ABCA10: variants seen among roughly 807,000 people sequenced by gnomAD.
ABCA10 encodes the protein ATP-binding cassette sub-family A member 10.
Under a neutral mutation model 187.5 loss-of-function variants are expected in ABCA10, and 169 were observed. The ratio of observed to expected loss-of-function variants is 0.90; its 90% CI spans 0.80 to 1.02. The LOEUF is 1.02. Among genes scored for constraint, ABCA10 ranks in the 50% least tolerant of loss-of-function variants. The probability of loss-of-function intolerance (pLI) is 0.00; values close to 1 mark genes in which losing one functional copy is unlikely to be tolerated. For synonymous variants in ABCA10, 574 were observed against 601.8 expected (o/e 0.95, Z 0.68); for missense variants, 1,727 against 1,812.4 (o/e 0.95, Z 0.86).
intron 20 of ABCA10, among the ~76,000 whole-genome samples, chr17:69,184,307 C>G (rs930298913): frequency 3.9e-5 from 6 of 152,088 alleles, no homozygotes; most frequent in African/African-American, 1.4e-4. Context: ...CCTGACCCAC[C>G]ACCTGAGAAA....
At chr17:69,155,756 G>A (rs1362793771) in intron 29 of ABCA10, 49 bp downstream of exon 29, 2 of 1,583,506 alleles carry the variant, frequency 1.3e-6, no homozygotes, top group Non-Finnish European at 1.7e-6. Context: ...CAATTCTAGA[G>A]GACAAACTAT....
chr17:69,177,995 A>ATATATATATATATATGT (rs1555659760), intron 22 of ABCA10, among the ~76,000 whole-genome samples: 4 of 113,162 alleles, frequency 3.5e-5, no homozygotes, highest in Middle Eastern at 4.8e-3. Context: ...TATATATGTT[A>ATATATATATATATATGT]TATATATATA....
intron 3 of ABCA10, chr17:69,223,726 T>C (rs1381966414): frequency 4.8e-6 from 2 of 414,814 alleles, no homozygotes; most frequent in Non-Finnish European, 9.4e-6. Flanking sequence ...GTATAAAAAA[T>C]ACTGTCAAGG....
intron 2 of ABCA10, among the ~76,000 whole-genome samples, chr17:69,226,811 C>T (rs1208980489): frequency 6.6e-6 from 1 of 151,728 alleles, no homozygotes; most frequent in Non-Finnish European, 1.5e-5. Flanking sequence ...GTCCCTGCCC[C>T]CAACACAGAA....
Position 69,175,409 on chromosome 17 carries a change from A to C in ABCA10, c.2874T>G (p.Tyr958Ter). ...PFIGMSSISD[Y>*]KKNVQSQLWI... Reference sequence around the variant, plus strand: ...ATTTCCTCTCTCTCCCTCTTACTTTATAATCGCTGATGCTGCTCATGCCGA... The same window carrying C: ...ATTTCCTCTCTCTCCCTCTTACTTTCTAATCGCTGATGCTGCTCATGCCGA... Residue 958 changes from tyrosine (Y) to a stop codon, truncating the protein, a stop_gained, in exon 23 of 39, where the codon TAT becomes TAG. Transcript: ENST00000690296. LOFTEE classifies it high-confidence loss of function. The C allele has an allele frequency of 6.2e-7, 1 of 1,606,746 alleles. No homozygotes were observed. The highest frequency in any genetic ancestry group is 8.5e-7 in the Non-Finnish European group (1 of 1,176,690).
Position 69,185,659 on chromosome 17 carries a change from TTA to T in ABCA10, c.2331-18_2331-17del. On this transcript the variant is annotated splice_polypyrimidine_tract_variant and intron_variant, in intron 19 of 38. Transcript: ENST00000690296. Reference sequence around the variant, plus strand: ...TACTAGTAACCTAAGTAAAACAAAATTATAACATGAGTCTGAAGCAATTTTCC... The same window carrying T: ...TACTAGTAACCTAAGTAAAACAAAATTAACATGAGTCTGAAGCAATTTTCC... 2 of 1,566,894 alleles carry T rather than the reference TTA, an allele frequency of 1.3e-6. No homozygotes were observed. Among genetic ancestry groups the T allele is most frequent in the South Asian group, 2.3e-5 (2 of 85,576 alleles).
Position 69,153,840 on chromosome 17 carries a change from C to T in ABCA10, c.3956G>A (p.Ser1319Asn), listed in dbSNP as rs11657280. The change falls in exon 32 of 39, where the codon AGT becomes AAT. Residue 1319 changes from serine to asparagine, a missense_variant. Physicochemically the swap from Ser to Asn is conservative, Grantham distance 46. Transcript: ENST00000690296. Reference sequence around the variant, plus strand: ...AGACTTCTCTCTGTACCGTGAAATACTGAGAGCAGCATCTTCTTTGCCCAG... The same window carrying T: ...AGACTTCTCTCTGTACCGTGAAATATTGAGAGCAGCATCTTCTTTGCCCAG... ...KGLGKEDAAL[S>N]ISRLVEALKL... The T allele has an allele frequency of 1.9e-6, 3 of 1,612,944 alleles. No individual in the cohort carries two copies. Among genetic ancestry groups the T allele is most frequent in the Non-Finnish European group, 2.5e-6 (3 of 1,179,580 alleles).
intron 25 of ABCA10, among the ~76,000 whole-genome samples, chr17:69,173,183 A>ATCATG (rs2074310120): frequency 6.6e-6 from 1 of 152,208 alleles, no homozygotes; most frequent in Non-Finnish European, 1.5e-5. Context: ...AGAAGACATT[A>ATCATG]CCCTTGGTTA....
intron 6 of ABCA10, among the ~76,000 whole-genome samples, chr17:69,219,163 C>A (rs931758817): frequency 1.3e-5 from 2 of 152,124 alleles, no homozygotes; most frequent in Non-Finnish European, 2.9e-5. Flanking sequence ...GGAAGTGAGT[C>A]ACAGGAAGAA....
chr17:69,156,164 A>G (rs1029072408), intron 28 of ABCA10, among the ~76,000 whole-genome samples: 7 of 152,114 alleles, frequency 4.6e-5, no homozygotes, highest in Non-Finnish European at 1.5e-5. Context: ...TGGCTCTGTC[A>G]CTTCGTTCTT....
intron 34 of ABCA10, among the ~76,000 whole-genome samples, chr17:69,152,920 T>C (rs1022461228): frequency 3.3e-5 from 5 of 152,052 alleles, no homozygotes; most frequent in Admixed American, 3.3e-4. Context: ...ATAGGCTTCA[T>C]AAAAAAGAAG....
chr17:69,211,690 T>C (rs566613317), intron 9 of ABCA10, among the ~76,000 whole-genome samples: 7 of 152,182 alleles, frequency 4.6e-5, no homozygotes, highest in Middle Eastern at 3.4e-3. Flanking sequence ...AGGGTTTCTA[T>C]TTCTTCCTGG....
In ABCA10 at chr17:69,165,068, A is replaced by G. The variant is rs757014120; in HGVS notation, c.3178T>C (p.Ser1060Pro). ...TATTGAGTTGATACCATAATTGTGG[A>G]TACACATATTAAGATCTAGAAAAAA... Reference protein sequence around the residue: ...FGFFIILICVSTIMVSTQYEK... With the variant: ...FGFFIILICVPTIMVSTQYEK... Residue 1060 changes from serine to proline, a missense_variant, in exon 26 of 39, where the codon TCC (serine) becomes CCC (proline). Coordinates refer to ENST00000690296, the MANE Select transcript of ABCA10 (RefSeq NM_001377321.1). The G allele has an allele frequency of 6.4e-7, 1 of 1,569,004 alleles. No homozygotes were observed. The highest frequency in any genetic ancestry group is 2.2e-5 in the East Asian group (1 of 44,512).
intron 19 of ABCA10, 92 bp downstream of exon 19, chr17:69,187,589 A>T (rs1598103952): frequency 7.5e-7 from 1 of 1,334,474 alleles, no homozygotes. Context: ...AAAACTGTTA[A>T]ATGAATGAAT....
At chr17:69,236,259 G>A (rs1230454920) in intron 1 of ABCA10, among the ~76,000 whole-genome samples, 1 of 152,086 alleles carries the variant, frequency 6.6e-6, no homozygotes, top group African/African-American at 2.4e-5. Context: ...TATAATGCAG[G>A]CTTGTAAATC....
chr17:69,220,674 C>T (rs1214833756), intron 5 of ABCA10, among the ~76,000 whole-genome samples: 1 of 152,178 alleles, frequency 6.6e-6, no homozygotes, highest in African/African-American at 2.4e-5. Context: ...CTTGAGACAT[C>T]AAAGTAGAGG....
chr17:69,232,154 A>G (rs987419341), upstream of ABCA10, among the ~76,000 whole-genome samples: 2 of 151,994 alleles, frequency 1.3e-5, no homozygotes, highest in Non-Finnish European at 2.9e-5. Context: ...AGTCTTTTGT[A>G]GGCAGCAGAT....
At chr17:69,161,046 T>C (rs757852636) in intron 27 of ABCA10, among the ~76,000 whole-genome samples, 5 of 152,212 alleles carry the variant, frequency 3.3e-5, no homozygotes, top group Non-Finnish European at 7.3e-5. Flanking sequence ...TTATGGTATA[T>C]ACATATAATT....
intron 34 of ABCA10, 30 bp downstream of exon 34, chr17:69,153,275 A>G: frequency 6.3e-7 from 1 of 1,576,704 alleles, no homozygotes; most frequent in Non-Finnish European, 8.6e-7. Flanking sequence ...TATTCTCTTG[A>G]CTCTGACACT....
Sources: gnomAD v4.1 joint callset for allele counts (sites outside exome capture counted in the v4.1 genomes callset) on GRCh38, gnomAD v4.1.1 for gene constraint, MANE v1.5 for transcripts, NCBI Gene and HGNC (gene_info 2026-07-23, HGNC 2026-07-21) for gene names.